The following XKR4 variants were observed in gnomAD, a reference collection of about 807,000 sequenced individuals.
XKR4 encodes XK related 4.
XKR4 carries 12 observed loss-of-function variants against 53.9 expected under a neutral mutation model. The ratio of observed to expected loss-of-function variants is 0.22; its 90% confidence interval spans 0.14 to 0.36. XKR4 has a LOEUF of 0.36. Ranked by LOEUF, XKR4 falls within the 10% of genes least tolerant of loss-of-function variation. The probability of loss-of-function intolerance (pLI) is 1.00; values close to 1 mark genes in which losing one functional copy is unlikely to be tolerated. For missense variants in XKR4, 799 were observed against 859.5 expected (o/e 0.93, Z 0.88); for synonymous variants, 354 against 362.4 (o/e 0.98, Z 0.26).
intron 2 of XKR4, among the ~76,000 whole-genome samples, chr8:55,456,718 A>G (rs1805575065): frequency 6.6e-6 from 1 of 152,220 alleles, no homozygotes; most frequent in African/African-American, 2.4e-5. Context: ...AGTTCAGTAG[A>G]AATATCTCAA....
chr8:55,415,537 TAG>T (rs965626275), intron 2 of XKR4, among the ~76,000 whole-genome samples: 6 of 151,968 alleles, frequency 3.9e-5, no homozygotes, highest in African/African-American at 1.4e-4. Context: ...AGTCTTTGGA[TAG>T]AGAAAAAAAA....
At chr8:55,497,949 C>A (rs1359599393) in intron 2 of XKR4, among the ~76,000 whole-genome samples, 2 of 152,324 alleles carry the variant, frequency 1.3e-5, no homozygotes, top group East Asian at 3.9e-4. Flanking sequence ...AGATCCCCAT[C>A]CCCGCTGCTG....
intron 1 of XKR4, among the ~76,000 whole-genome samples, chr8:55,233,154 G>T (rs1374439315): frequency 7.2e-5 from 11 of 152,176 alleles, no homozygotes. Context: ...TTCATTATAA[G>T]GACACAGAGC....
At chr8:55,442,273 G>A (rs563250032) in intron 2 of XKR4, among the ~76,000 whole-genome samples, 1 of 152,138 alleles carries the variant, frequency 6.6e-6, no homozygotes, top group Non-Finnish European at 1.5e-5. Context: ...GATTCAAAAT[G>A]AAATAGATAC....
rs568431302 is a variant in XKR4, at chr8:55,372,180, A to G, written c.1006+14303A>G. Among the ~76,000 whole-genome samples, 4 of 152,298 alleles carry G rather than the reference A, an allele frequency of 2.6e-5. 1 individual carries two copies. Among genetic ancestry groups the G allele is most frequent in the African/African-American group, 9.6e-5 (4 of 41,550 alleles). The stretch of plus-strand genomic sequence containing the variant: ...ATCCTGTTTGGAACAAAGAAGCATC[A>G]ATAAGGAGCTGTCTGCAAGGAATGG... On this transcript the variant is annotated intron_variant, in intron 2 of 2. Transcript: ENST00000327381.
rs554084196 is a variant in XKR4, at chr8:55,451,602, G to C, written c.1007-71679G>C. The C allele has an allele frequency of 4.2e-6, 6 of 1,420,934 alleles. No homozygotes were observed. In the South Asian group the frequency reaches 5.1e-5, roughly 12 times the overall value. The allele number at this position is 1,420,934 out of a possible 1,614,324, so 88.0% of individuals were successfully genotyped here. ...ACCGCCGGATGCGCCAGCAGACAAC[G>C]GTGAAGCGGTTCTGGCGGTAGCAGT... On this transcript the variant is annotated intron_variant, in intron 2 of 2. Transcript: ENST00000327381.
chr8:55,445,574 G>A (rs534514198), intron 2 of XKR4, among the ~76,000 whole-genome samples: 1 of 152,042 alleles, frequency 6.6e-6, no homozygotes, highest in African/African-American at 2.4e-5. Context: ...AAAATTTCTG[G>A]CCTGAAATTA....
intron 1 of XKR4, among the ~76,000 whole-genome samples, chr8:55,274,391 C>G (rs1367754472): frequency 2.0e-5 from 3 of 151,896 alleles, no homozygotes; most frequent in Non-Finnish European, 2.9e-5. Flanking sequence ...ATGGTCATCT[C>G]TGTGTGTGCA....
chr8:55,452,893 A>G (rs1057094135), intron 2 of XKR4: 1 of 782,558 alleles, frequency 1.3e-6, no homozygotes, highest in African/African-American at 1.7e-5. Flanking sequence ...TAGCTCACGC[A>G]GTTGGTATAG....
rs1017876447 is a variant in XKR4, at chr8:55,252,097, A to G, written c.807-105581A>G. On this transcript the variant is annotated intron_variant, in intron 1 of 2. Coordinates refer to ENST00000327381, the MANE Select transcript of XKR4 (RefSeq NM_052898.2). The stretch of plus-strand genomic sequence containing the variant: ...ATTAGAATGGATAAAGCTTTGTAAA[A>G]ATGTTATTCACCCTCCAATGGATTT... Among the ~76,000 whole-genome samples the G allele has an allele frequency of 2.0e-5, 3 of 152,312 alleles. No individual in the cohort carries two copies. In the East Asian group the frequency reaches 5.8e-4, roughly 29 times the overall value.
chr8:55,275,168 A>G lies in XKR4; in HGVS notation c.807-82510A>G, dbSNP rs921795134. Among the ~76,000 whole-genome samples, 3 of 152,340 alleles carry G rather than the reference A, an allele frequency of 2.0e-5. No individual in the cohort carries two copies. The South Asian group carries it at 6.2e-4, about 32-fold the overall frequency. ...AATATTTCCATTTCAAAAGTAAAATATTCATCATTTCAAATTTCTATTTTA... is the reference window on the plus strand; with the variant it reads ...AATATTTCCATTTCAAAAGTAAAATGTTCATCATTTCAAATTTCTATTTTA... On this transcript the variant is annotated intron_variant, in intron 1 of 2. Transcript: ENST00000327381.
intron 1 of XKR4, among the ~76,000 whole-genome samples, chr8:55,224,078 T>C (rs527550870): frequency 6.6e-6 from 1 of 152,324 alleles, no homozygotes; most frequent in African/African-American, 2.4e-5. Flanking sequence ...TGTGCATAAA[T>C]ATATACATCT....
intron 2 of XKR4, among the ~76,000 whole-genome samples, chr8:55,481,622 G>C (rs1341224446): frequency 2.0e-5 from 3 of 151,806 alleles, no homozygotes; most frequent in African/African-American, 4.8e-5. Context: ...TACAGAATGG[G>C]AGAAAATTTT....
At position 55,188,739 on chromosome 8, in the gene XKR4, T is replaced by C. The variant is rs1245581631; in HGVS notation, c.806+85445T>C. The stretch of plus-strand genomic sequence containing the variant: ...AAGATGGGTGACAAAATCATGAAGA[T>C]GCTTAGTAATTGTGTGAGTTGGGCA... On this transcript the variant is annotated intron_variant, in intron 1 of 2. Transcript: ENST00000327381. Among the ~76,000 whole-genome samples the C allele has an allele frequency of 1.3e-5, 2 of 152,224 alleles. 1 individual carries two copies. The highest frequency in any genetic ancestry group is 4.1e-4 in the South Asian group (2 of 4,826).
At chr8:55,403,799 C>T (rs1259000255) in intron 2 of XKR4, among the ~76,000 whole-genome samples, 1 of 152,192 alleles carries the variant, frequency 6.6e-6, no homozygotes, top group Non-Finnish European at 1.5e-5. Flanking sequence ...CTCACTTATT[C>T]AACAAACATT....
chr8:55,484,300 G>A (rs1391795363), intron 2 of XKR4, among the ~76,000 whole-genome samples: 1 of 152,100 alleles, frequency 6.6e-6, no homozygotes. Flanking sequence ...CATAGAAAAG[G>A]AAGAAACATT....
intron 1 of XKR4, among the ~76,000 whole-genome samples, chr8:55,160,517 C>G (rs2129356963): frequency 6.6e-6 from 1 of 152,266 alleles, no homozygotes; most frequent in Non-Finnish European, 1.5e-5. Flanking sequence ...AGGACAAGGT[C>G]TAGGGTGAGT....
intron 1 of XKR4, among the ~76,000 whole-genome samples, chr8:55,233,136 A>G (rs916652801): frequency 6.6e-6 from 1 of 152,216 alleles, no homozygotes; most frequent in African/African-American, 2.4e-5. Flanking sequence ...CTCAATTGAA[A>G]GGGGGAATTC....
intron 2 of XKR4, among the ~76,000 whole-genome samples, chr8:55,363,382 G>A (rs768643669): frequency 3.3e-5 from 5 of 152,202 alleles, no homozygotes; most frequent in Non-Finnish European, 7.3e-5. Context: ...GAAACAGGGA[G>A]CTGGAAGGGG....
Sources: allele counts gnomAD v4.1 joint callset (sites outside exome capture counted in the v4.1 genomes callset), GRCh38; gene constraint gnomAD v4.1.1; transcripts MANE v1.5; gene names NCBI Gene and HGNC (gene_info 2026-07-23, HGNC 2026-07-21).